Variants in ANK2 observed in about 807,000 individuals in gnomAD.
The protein encoded by ANK2 is ankyrin 2.
Under a neutral mutation model 360.5 loss-of-function variants are expected in ANK2, and 83 were observed. That is an observed-to-expected ratio of 0.23 (90% confidence interval 0.19 to 0.28). The LOEUF (loss-of-function observed/expected upper bound fraction) is 0.28, where lower values mean the gene tolerates loss of function less well. ANK2 is among the 10% of genes least tolerant of loss of function. ANK2 has a pLI of 1.00. For synonymous variants in ANK2, 1,740 were observed against 1,759.5 expected (o/e 0.99, Z 0.28); for missense variants, 4,201 against 4,795.7 (o/e 0.88, Z 3.66).
intron 4 of ANK2, among the ~76,000 whole-genome samples, chr4:113,213,702 A>G (rs747409061): frequency 6.6e-6 from 1 of 152,198 alleles, no homozygotes; most frequent in Admixed American, 6.5e-5. Context: ...TTAATTCCAG[A>G]TTAAATAGAT....
chr4:113,163,764 C>CAAAAAAAAAAAAAAAAAAAAAAA lies in ANK2; in HGVS notation c.85-10646_85-10624dup, dbSNP rs1158530849. ...GGGCAACAAGAGTGAAACTTCGTCTCAAAAAAAAAAAAAAAAAAAAAAAAA... is the reference window on the plus strand; with the variant it reads ...GGGCAACAAGAGTGAAACTTCGTCTCAAAAAAAAAAAAAAAAAAAAAAAAAAAAAAAAAAAAAAAAAAAAAAAA... On this transcript the variant is annotated intron_variant, in intron 1 of 45. Coordinates refer to ENST00000357077, the MANE Select transcript of ANK2 (RefSeq NM_001148.6). Among the ~76,000 whole-genome samples, 37 of 55,042 alleles carry CAAAAAAAAAAAAAAAAAAAAAAA rather than the reference C, an allele frequency of 6.7e-4. 1 individual carries two copies. Among genetic ancestry groups the CAAAAAAAAAAAAAAAAAAAAAAA allele is most frequent in the African/African-American group, 9.0e-4 (16 of 17,744 alleles). 36.1% of individuals were successfully genotyped at this position (55,042 alleles called of 152,430 possible).
chr4:113,263,973 C>T (rs1454212652), intron 13 of ANK2, among the ~76,000 whole-genome samples: 1 of 151,856 alleles, frequency 6.6e-6, no homozygotes. Flanking sequence ...CACCTAAAGC[C>T]ACCCTTTCCT....
At chr4:113,085,603 G>A (rs551031034) in intron 1 of ANK2, among the ~76,000 whole-genome samples, 77 of 152,174 alleles carry the variant, frequency 5.1e-4, no homozygotes, top group African/African-American at 1.7e-3. Context: ...CACCGCGCCC[G>A]GCCTTGGAAT....
At chr4:112,917,218 A>C (rs2090119724) in intron 2 of ANK2, among the ~76,000 whole-genome samples, 1 of 152,240 alleles carries the variant, frequency 6.6e-6, no homozygotes, top group South Asian at 2.1e-4. Context: ...ACCACAATGA[A>C]AAAGAGCTTC....
At chr4:112,747,293 A>AC in the ANK2 span, among the ~76,000 whole-genome samples, 1 of 152,236 alleles carries the variant, frequency 6.6e-6, no homozygotes, top group Non-Finnish European at 1.5e-5. Flanking sequence ...AGGAACAAAC[A>AC]CATTAGCACC....
intron 2 of ANK2, among the ~76,000 whole-genome samples, chr4:113,035,862 G>A (rs1302309981): frequency 6.6e-6 from 1 of 151,884 alleles, no homozygotes; most frequent in Non-Finnish European, 1.5e-5. Flanking sequence ...ATCGGAAAGA[G>A]GAGAGGGAAA....
intron 2 of ANK2, among the ~76,000 whole-genome samples, chr4:112,986,594 G>A (rs2044953534): frequency 6.6e-6 from 1 of 152,184 alleles, no homozygotes; most frequent in African/African-American, 2.4e-5. Context: ...AAAGTCTTCA[G>A]CACATCTAAG....
At chr4:112,712,406 ATTTTTT>A in the ANK2 span, among the ~76,000 whole-genome samples, 509 of 86,820 alleles carry the variant, frequency 5.9e-3, no homozygotes, top group East Asian at 0.023. Flanking sequence ...ATATATATAT[ATTTTTT>A]TTTTTTTTTT....
At chr4:112,995,258 G>T (rs2048153218) in intron 2 of ANK2, among the ~76,000 whole-genome samples, 1 of 152,090 alleles carries the variant, frequency 6.6e-6, no homozygotes, top group African/African-American at 2.4e-5. Flanking sequence ...TTTCTCTGTA[G>T]TCTTGCCAAC....
At chr4:113,100,921 G>A (rs555712275) in intron 1 of ANK2, among the ~76,000 whole-genome samples, 7 of 152,188 alleles carry the variant, frequency 4.6e-5, no homozygotes, top group South Asian at 2.1e-4. Context: ...TTTAGAAAAG[G>A]CAAAACTTTA....
At chr4:113,120,964 T>A (rs1484840800) in intron 1 of ANK2, among the ~76,000 whole-genome samples, 2 of 152,168 alleles carry the variant, frequency 1.3e-5, no homozygotes, top group Non-Finnish European at 2.9e-5. Flanking sequence ...GTCCAATCAA[T>A]CATAATGTCT....
In ANK2 at chr4:112,915,761, A is replaced by AT. The variant is rs1284054417; in HGVS notation, c.21+11247_21+11248insT. 2.6e-5 allele frequency among the ~76,000 whole-genome samples: 4 copies of AT among 151,092 alleles called. No individual in the cohort carries two copies. The East Asian group carries it at 5.8e-4, about 22-fold the overall frequency. Reference sequence around the variant, plus strand: ...CAGAGTGAGACTCTGTTTCAAAAAAAAAATAAATAAATAAATAAATAATAA... The same window carrying AT: ...CAGAGTGAGACTCTGTTTCAAAAAAATAAATAAATAAATAAATAAATAATAA... On this transcript the variant is annotated intron_variant, in intron 2 of 30. Transcript: ENST00000503271.
intron 9 of ANK2, among the ~76,000 whole-genome samples, chr4:113,245,894 T>G (rs1057385680): frequency 6.6e-6 from 1 of 151,770 alleles, no homozygotes; most frequent in African/African-American, 2.4e-5. Context: ...AACCCCCACC[T>G]CACTGGTTCA....
intron 2 of ANK2, among the ~76,000 whole-genome samples, chr4:112,994,485 T>C (rs1387563354): frequency 6.6e-6 from 1 of 152,216 alleles, no homozygotes; most frequent in East Asian, 1.9e-4. Context: ...CTAAAAAGTA[T>C]TGTGGGAGTT....
In ANK2 at chr4:113,249,833, C is replaced by A. The variant is rs753032598; in HGVS notation, c.961C>A (p.Arg321=). 1.2e-6 allele frequency: 2 copies of A among 1,614,136 alleles called. No individual in the cohort carries two copies. The highest frequency in any genetic ancestry group is 1.7e-6 in the Non-Finnish European group (2 of 1,180,040). ...CCAAGTGGTGGAACTTCTGTTGGAA[C>A]GGGGTGCCCCCTTGCTGGCAAGGAC... ...HDQVVELLLE[R]GAPLLARTKN... Residue 321 remains arginine (R), a synonymous_variant, in exon 10 of 46, where the codon CGG becomes AGG. Transcript: ENST00000357077.
At chr4:113,220,687 T>C (rs2099140499) in intron 4 of ANK2, among the ~76,000 whole-genome samples, 1 of 152,122 alleles carries the variant, frequency 6.6e-6, no homozygotes, top group South Asian at 2.1e-4. Flanking sequence ...TGTTTTGGAG[T>C]TATGTGAGAG....
chr4:113,175,882 A>G (rs2098177684), intron 2 of ANK2, among the ~76,000 whole-genome samples: 1 of 152,214 alleles, frequency 6.6e-6, no homozygotes, highest in Non-Finnish European at 1.5e-5. Flanking sequence ...CCGTGAAAAC[A>G]TGTTGAGAGC....
intron 1 of ANK2, among the ~76,000 whole-genome samples, chr4:112,836,304 G>A (rs1462066291): frequency 6.6e-6 from 1 of 152,072 alleles, no homozygotes; most frequent in Non-Finnish European, 1.5e-5. Flanking sequence ...TAAGTTTCCT[G>A]AGGCTTCCCC....
intron 2 of ANK2, among the ~76,000 whole-genome samples, chr4:112,925,372 A>G (rs935717079): frequency 1.3e-5 from 2 of 152,220 alleles, no homozygotes; most frequent in Non-Finnish European, 2.9e-5. Context: ...TAGAAGAATA[A>G]CATCCATCTG....
Sources: gnomAD v4.1 joint callset for allele counts (sites outside exome capture counted in the v4.1 genomes callset) on GRCh38, gnomAD v4.1.1 for gene constraint, MANE v1.5 for transcripts, NCBI Gene and HGNC (gene_info 2026-07-23, HGNC 2026-07-21) for gene names.